Variants in OLFM1 observed in about 807,000 individuals in gnomAD.
OLFM1 encodes olfactomedin 1.
In OLFM1, 9 loss-of-function variants were observed where a neutral mutation model predicts 49.7. That is an observed-to-expected ratio of 0.18 (90% CI 0.11 to 0.32). The LOEUF is 0.32. OLFM1 is among the 10% of genes least tolerant of loss of function. The pLI, the probability that OLFM1 is intolerant of heterozygous loss-of-function variation, is 1.00. For synonymous variants in OLFM1, 240 were observed against 271.8 expected, an observed-to-expected ratio of 0.88 and a Z score of 1.15; for missense variants, 369 against 661.8, an observed-to-expected ratio of 0.56 and a Z score of 4.85.
intron 2 of OLFM1, among the ~76,000 whole-genome samples, chr9:135,091,430 AAC>A: frequency 6.6e-6 from 1 of 150,612 alleles, no homozygotes; most frequent in East Asian, 1.9e-4. Context: ...CACACTCACA[AAC>A]ACACTCACAC....
chr9:135,100,694 C>G (rs560206915), intron 4 of OLFM1, among the ~76,000 whole-genome samples: 2 of 152,284 alleles, frequency 1.3e-5, no homozygotes, highest in South Asian at 4.1e-4. Flanking sequence ...TGCGACTCCC[C>G]CAAGGCATTT....
At chr9:135,077,609 G>A (rs1830484694) in intron 1 of OLFM1, among the ~76,000 whole-genome samples, 2 of 152,146 alleles carry the variant, frequency 1.3e-5, no homozygotes, top group African/African-American at 2.4e-5. Context: ...GGTCAGCTCC[G>A]CCAGCCCACA....
chr9:135,095,796 G>C (rs202070833), intron 2 of OLFM1, 68 bp from the exon 3 acceptor site: 6 of 1,554,400 alleles, frequency 3.9e-6, no homozygotes, highest in African/African-American at 2.7e-5. Flanking sequence ...ATGTCTGTAC[G>C]AGCAGGCAGA....
chr9:135,101,994 C>T (rs1251784092), intron 4 of OLFM1, among the ~76,000 whole-genome samples: 2 of 152,218 alleles, frequency 1.3e-5, no homozygotes, highest in Non-Finnish European at 2.9e-5. Flanking sequence ...CCCATAAGCA[C>T]AGACAGAGCC....
chr9:135,094,500 CA>C (rs1317563903), intron 2 of OLFM1, among the ~76,000 whole-genome samples: 1 of 151,900 alleles, frequency 6.6e-6, no homozygotes, highest in Non-Finnish European at 1.5e-5. Flanking sequence ...AGGAAGACAA[CA>C]AGAGAATCAG....
At chr9:135,114,204 G>T (rs1162512816) in intron 5 of OLFM1, among the ~76,000 whole-genome samples, 1 of 136,630 alleles carries the variant, frequency 7.3e-6, no homozygotes, top group Non-Finnish European at 1.5e-5. Flanking sequence ...GCAGTGGTGC[G>T]ATCTCGGCTC....
At chr9:135,101,089 G>A (rs984558037) in intron 4 of OLFM1, among the ~76,000 whole-genome samples, 5 of 152,188 alleles carry the variant, frequency 3.3e-5, no homozygotes, top group African/African-American at 7.2e-5. Context: ...CTTGCAAATA[G>A]GTACCCATCT....
At chr9:135,104,136 G>T (rs1830906683) in intron 4 of OLFM1, among the ~76,000 whole-genome samples, 1 of 152,178 alleles carries the variant, frequency 6.6e-6, no homozygotes, top group African/African-American at 2.4e-5. Flanking sequence ...TGGGAAGCTG[G>T]CTCCGGCTGC....
intron 1 of OLFM1, among the ~76,000 whole-genome samples, chr9:135,078,422 G>A (rs147174884): frequency 6.6e-6 from 1 of 152,306 alleles, no homozygotes; most frequent in African/African-American, 2.4e-5. Flanking sequence ...ACAGGCAGGG[G>A]GAGTGGAGCA....
chr9:135,082,897 C>A (rs548344376), upstream of OLFM1, among the ~76,000 whole-genome samples: 1 of 152,182 alleles, frequency 6.6e-6, no homozygotes, highest in East Asian at 1.9e-4. Flanking sequence ...CCGGGAGCCT[C>A]CTGTGCAGAG....
Position 135,095,981 on chromosome 9 carries a change from G to T in OLFM1, c.418G>T (p.Glu140Ter). Reference protein sequence around the residue: ...KGLESKFKQVEESHKQHLARQ... With the variant: ...KGLESKFKQV Reference sequence around the variant, plus strand: ...ACTGGAGTCCAAGTTCAAACAGGTGGAGGAGAGTCATAAGCAACACCTGGC... The same window carrying T: ...ACTGGAGTCCAAGTTCAAACAGGTGTAGGAGAGTCATAAGCAACACCTGGC... The change falls in exon 3 of 6, where the codon GAG (glutamate) becomes TAG (stop). Residue 140 changes from glutamate (E) to a stop codon, truncating the protein, a stop_gained. Transcript: ENST00000371793. LOFTEE classifies it high-confidence loss of function. 1 of 1,534,036 alleles carries T rather than the reference G, an allele frequency of 6.5e-7. No individual in the cohort carries two copies. Among genetic ancestry groups the T allele is most frequent in the Non-Finnish European group, 8.8e-7 (1 of 1,132,486 alleles).
At chr9:135,076,506 T>A in intron 1 of OLFM1, 1 of 1,305,204 alleles carries the variant, frequency 7.7e-7, no homozygotes, top group Non-Finnish European at 1.0e-6. Context: ...GTATTCTCCA[T>A]TTTAAAGATG....
chr9:135,115,201 CA>C (rs1831081115), intron 5 of OLFM1, among the ~76,000 whole-genome samples: 1 of 152,238 alleles, frequency 6.6e-6, no homozygotes, highest in African/African-American at 2.4e-5. Context: ...AATCTTCAGC[CA>C]GGGGTGCCAT....
intron 4 of OLFM1, among the ~76,000 whole-genome samples, chr9:135,101,144 G>A (rs1424846463): frequency 6.6e-6 from 1 of 152,206 alleles, no homozygotes. Flanking sequence ...AGGTTGCTGA[G>A]GAGCCCGGCC....
exon 1 of OLFM1, chr9:135,075,758 C>T: frequency 6.2e-7 from 1 of 1,607,214 alleles, no homozygotes; most frequent in African/African-American, 1.4e-5. Context: ...CCGGAAGCTC[C>T]TCAGCCTCCT....
chr9:135,084,625 T>C (rs558893608), upstream of OLFM1, among the ~76,000 whole-genome samples: 101 of 151,464 alleles, frequency 6.7e-4, no homozygotes, highest in Middle Eastern at 0.017. The surrounding 1 kb of genome is among the most constrained non-coding windows in gnomAD (Gnocchi z 4.6). Context: ...CCCTTCTCCC[T>C]CCCTTTCTTC....
intron 1 of OLFM1, chr9:135,076,003 G>C: frequency 7.0e-7 from 1 of 1,438,272 alleles, no homozygotes; most frequent in Non-Finnish European, 9.1e-7. Context: ...GACCGGAGAC[G>C]GCGCTCCTCC....
At chr9:135,087,582 C>T (rs1043089614), upstream of OLFM1, 10 of 989,328 alleles carry the variant, frequency 1.0e-5, no homozygotes, top group Non-Finnish European at 1.4e-5. Flanking sequence ...AAAAATCCAC[C>T]CATTTCCTGG....
chr9:135,090,385 T>TGCG, intron 2 of OLFM1, 41 bp downstream of exon 2: 1 of 1,449,384 alleles, frequency 6.9e-7, no homozygotes, highest in East Asian at 2.5e-5. Context: ...TGTGTGTGTG[T>TGCG]TTGTGTGTGT....
Sources: gnomAD v4.1 joint callset for allele counts (sites outside exome capture counted in the v4.1 genomes callset) on GRCh38, gnomAD v4.1.1 for gene constraint, Gnocchi (gnomAD v3.1) non-coding constraint, MANE v1.5 for transcripts, NCBI Gene and HGNC (gene_info 2026-07-23, HGNC 2026-07-21) for gene names.